Variants in PAG1 observed in about 807,000 individuals in gnomAD.
PAG1 encodes the protein phosphoprotein membrane anchor with glycosphingolipid microdomains 1, also known as phosphoprotein associated with glycosphingolipid-enriched microdomains 1.
A neutral mutation model predicts 31.7 loss-of-function variants in PAG1; 23 were observed. The observed-to-expected ratio is 0.73, with a 90% CI of 0.52 to 1.03. The LOEUF (loss-of-function observed/expected upper bound fraction) is 1.03. Among genes scored for constraint, PAG1 ranks in the 50% least tolerant of loss-of-function variants. The probability of loss-of-function intolerance (pLI) is 0.00; values close to 1 mark genes in which losing one functional copy is unlikely to be tolerated. For synonymous variants in PAG1, 214 were observed against 210.3 expected (o/e 1.02, Z -0.15); for missense variants, 473 against 540.7 (o/e 0.87, Z 1.24).
chr8:81,070,477 G>T (rs768629786), intron 1 of PAG1, among the ~76,000 whole-genome samples: 6 of 152,050 alleles, frequency 3.9e-5, no homozygotes, highest in Non-Finnish European at 5.9e-5. Flanking sequence ...TCCATACTTC[G>T]TTTTAATCAT....
intron 3 of PAG1, among the ~76,000 whole-genome samples, chr8:80,994,097 AATCTCCCTAATCCACTGCCATCTCTC>A (rs1426181699): frequency 6.6e-6 from 1 of 150,508 alleles, no homozygotes; most frequent in Admixed American, 6.6e-5. Context: ...TGCCATCTCT[AATCTCCCTAATCCACTGCCATCTCTC>A]ATCTCCCTAC....
chr8:81,024,503 A>G (rs906458465), intron 3 of PAG1, among the ~76,000 whole-genome samples: 1 of 152,228 alleles, frequency 6.6e-6, no homozygotes, highest in African/African-American at 2.4e-5. Context: ...TGGTTCCGTA[A>G]ATGAGGATGA....
intron 4 of PAG1, 66 bp from the exon 5 acceptor site, chr8:80,991,596 T>C: frequency 9.8e-7 from 1 of 1,020,634 alleles, no homozygotes; most frequent in Non-Finnish European, 1.6e-6. Flanking sequence ...CACACTACCC[T>C]TTCCTATCCC....
intron 2 of PAG1, among the ~76,000 whole-genome samples, chr8:81,047,678 G>A (rs1808664048): frequency 6.6e-6 from 1 of 152,164 alleles, no homozygotes; most frequent in African/African-American, 2.4e-5. Context: ...AGAGCTAAAT[G>A]TCTTTTAGAG....
Position 81,090,734 on chromosome 8 carries a change from G to A in PAG1, c.-233-20564C>T, listed in dbSNP as rs544766941. Among the ~76,000 whole-genome samples the A allele has an allele frequency of 3.9e-5, 6 of 152,224 alleles. No individual in the cohort carries two copies. The South Asian group carries it at 6.2e-4, about 16-fold the overall frequency. On this transcript the variant is annotated intron_variant, in intron 1 of 8. Transcript: ENST00000220597. ...CTAGGGAGTGGTTTATGAAAGCCTC[G>A]GGCCACACGTGAGGAACTCTGAGTT...
In PAG1 at chr8:80,976,625, G is replaced by A. The variant is rs1039637336; in HGVS notation, c.1218C>T (p.Gly406=). ...TCTCCTTTGGGACGAGACCGTGGTG[G>A]CCATTGGTCCCCAGGGTGGCCTTTT... ...EEEKATLGTN[G]HHGLVPKEND... is the part of the protein sequence containing the mutation. Residue 406 remains glycine, a synonymous_variant, in exon 9 of 9, where the codon GGC becomes GGT. Coordinates refer to ENST00000220597, the MANE Select transcript of PAG1 (RefSeq NM_018440.4). The A allele has an allele frequency of 6.2e-7, 1 of 1,613,958 alleles. No homozygotes were observed. The highest frequency in any genetic ancestry group is 1.3e-5 in the African/African-American group (1 of 75,062).
chr8:81,002,839 G>C (rs942872732), intron 3 of PAG1, among the ~76,000 whole-genome samples: 3 of 152,180 alleles, frequency 2.0e-5, no homozygotes, highest in Non-Finnish European at 4.4e-5. Flanking sequence ...GAATTACTTA[G>C]GGCTGGGGAA....
rs114484501 is a variant in PAG1 at position 81,033,511 on chromosome 8, G to A, written c.-174-3422C>T. ...TTCAATATTGATTTCTTTTTCCACC[G>A]AATGGAATTTTAGGACTTCTGATAC... On this transcript the variant is annotated intron_variant, in intron 2 of 8. Transcript: ENST00000220597. 6.4e-3 allele frequency among the ~76,000 whole-genome samples: 977 copies of A among 152,198 alleles called. 5 individuals carry two copies. Among genetic ancestry groups the A allele is most frequent in the African/African-American group, 0.022 (933 of 41,498 alleles).
Position 81,024,980 on chromosome 8 carries a change from T to C in PAG1, c.-81+5016A>G, listed in dbSNP as rs183562143. ...CAAAACAGTCACCAGCTTATAAGGA[T>C]GAAAAAAGCTTAGGGATAATTCAGT... On this transcript the variant is annotated intron_variant, in intron 3 of 8. Coordinates refer to ENST00000220597, the MANE Select transcript of PAG1 (RefSeq NM_018440.4). 6.2e-3 allele frequency among the ~76,000 whole-genome samples: 943 copies of C among 152,300 alleles called. 4 individuals carry two copies. The highest frequency in any genetic ancestry group is 0.014 in the South Asian group (67 of 4,834).
rs75124212 is a variant in PAG1, at chr8:80,982,321, C to T, written c.877-1827G>A. 5.6e-3 allele frequency among the ~76,000 whole-genome samples: 853 copies of T among 152,222 alleles called. 4 individuals carry two copies. The highest frequency in any genetic ancestry group is 9.9e-3 in the Non-Finnish European group (670 of 68,006). ...TCTTGTCAAGGGCACCAATGAGACT[C>T]GCCTTCCCTGACCTACCCGCTGCAT... On this transcript the variant is annotated intron_variant, in intron 7 of 8. Transcript: ENST00000220597.
chr8:81,007,311 CT>C (rs1807898952), intron 3 of PAG1, among the ~76,000 whole-genome samples: 1 of 151,852 alleles, frequency 6.6e-6, no homozygotes, highest in Non-Finnish European at 1.5e-5. Context: ...GTACAAGGTT[CT>C]ATTAAGAACT....
chr8:81,054,150 T>G (rs561256135), intron 2 of PAG1, among the ~76,000 whole-genome samples: 27 of 152,232 alleles, frequency 1.8e-4, no homozygotes, highest in Non-Finnish European at 3.1e-4. Flanking sequence ...GAAGAACATA[T>G]GTACGTAAGG....
chr8:81,050,030 T>G (rs1808702300), intron 2 of PAG1, among the ~76,000 whole-genome samples: 1 of 152,218 alleles, frequency 6.6e-6, no homozygotes, highest in Non-Finnish European at 1.5e-5. Flanking sequence ...GCATGTTTAA[T>G]GTACTATTTT....
chr8:81,005,560 G>A (rs1807860148), intron 3 of PAG1, among the ~76,000 whole-genome samples: 1 of 152,126 alleles, frequency 6.6e-6, no homozygotes, highest in Non-Finnish European at 1.5e-5. Flanking sequence ...AAAAGACCTT[G>A]GACCCGATAC....
At chr8:81,032,723 T>A (rs1056438688) in intron 2 of PAG1, among the ~76,000 whole-genome samples, 4 of 152,174 alleles carry the variant, frequency 2.6e-5, no homozygotes, top group African/African-American at 9.7e-5. Flanking sequence ...CTCCCAGGTA[T>A]ATAGCAAAAG....
chr8:81,052,484 G>C (rs1039659370), intron 2 of PAG1, among the ~76,000 whole-genome samples: 1 of 152,126 alleles, frequency 6.6e-6, no homozygotes, highest in Non-Finnish European at 1.5e-5. Context: ...ATGGTGGGTG[G>C]CATTTTTCTC....
chr8:81,020,422 A>C (rs1182041781), intron 3 of PAG1, among the ~76,000 whole-genome samples: 1 of 152,144 alleles, frequency 6.6e-6, no homozygotes, highest in Admixed American at 6.5e-5. Flanking sequence ...GTGGGAAGAG[A>C]TTGAATCATG....
intron 3 of PAG1, among the ~76,000 whole-genome samples, chr8:80,999,236 A>T (rs1203209298): frequency 6.6e-6 from 1 of 152,196 alleles, no homozygotes; most frequent in African/African-American, 2.4e-5. Context: ...ACACATGGGG[A>T]ATCACCTACC....
chr8:81,039,063 G>A (rs1808509811), intron 2 of PAG1, among the ~76,000 whole-genome samples: 1 of 152,164 alleles, frequency 6.6e-6, no homozygotes. Context: ...ATGGTGTTTA[G>A]AAGAACTACA....
Sources: gnomAD v4.1 joint callset for allele counts (sites outside exome capture counted in the v4.1 genomes callset) on GRCh38, gnomAD v4.1.1 for gene constraint, MANE v1.5 for transcripts, NCBI Gene and HGNC (gene_info 2026-07-23, HGNC 2026-07-21) for gene names.